The following ATP6V1G3 variants were observed in gnomAD, a reference collection of about 807,000 sequenced individuals.
The protein encoded by ATP6V1G3 is ATPase H+ transporting V1 subunit G3.
In ATP6V1G3, 9 loss-of-function variants were observed where a neutral mutation model predicts 9.3. That is an observed-to-expected ratio of 0.97 (90% CI 0.59 to 1.69). The LOEUF is 1.69. Ranked by LOEUF, ATP6V1G3 falls within the 40% of genes most tolerant of loss-of-function variation. ATP6V1G3 has a pLI of 0.00. For missense variants in ATP6V1G3, 133 were observed against 139.0 expected (o/e 0.96, Z 0.22); for synonymous variants, 43 against 43.8 (o/e 0.98, Z 0.07).
At chr1:198,537,380 TTTTC>T (rs1359810051) in intron 1 of ATP6V1G3, among the ~76,000 whole-genome samples, 1 of 152,184 alleles carries the variant, frequency 6.6e-6, no homozygotes, top group Non-Finnish European at 1.5e-5. Flanking sequence ...TGAATTGCTG[TTTTC>T]TTTCTCTTTC....
intron 1 of ATP6V1G3, 131 bp from the exon 2 acceptor site, chr1:198,529,312 G>A (rs1659798293): frequency 9.3e-6 from 2 of 214,088 alleles, no homozygotes; most frequent in South Asian, 3.6e-4. Flanking sequence ...GTATGCATAT[G>A]GAGCTGCAAA....
At chr1:198,540,822 A>G, upstream of ATP6V1G3, 1 of 649,060 alleles carries the variant, frequency 1.5e-6, no homozygotes, top group Admixed American at 2.8e-5. Context: ...GGAAAGCCCA[A>G]GGTGGAATCT....
chr1:198,530,353 T>C (rs1273005608), intron 1 of ATP6V1G3, among the ~76,000 whole-genome samples: 1 of 152,192 alleles, frequency 6.6e-6, no homozygotes, highest in Non-Finnish European at 1.5e-5. Context: ...CCTATGCATG[T>C]ATCTACCTTT....
chr1:198,540,634 T>G lies in ATP6V1G3; in HGVS notation c.17A>C (p.Gln6Pro), dbSNP rs747013252. Residue 6 changes from glutamine (Q) to proline (P), a missense_variant, in exon 1 of 3, where the codon CAG becomes CCG. Physicochemically the swap from Gln to Pro is moderately conservative, Grantham distance 76. Transcript: ENST00000367382. MTSQS[Q>P]GIHQLLQAEK... is the part of the protein sequence containing the mutation. ...TGCCTGAAGAAGCTGGTGGATCCCC[T>G]GAGACTGGCTTGTCATGGTAGTCTG... is the stretch of plus-strand genomic sequence containing the variant. The G allele has an allele frequency of 1.2e-6, 2 of 1,613,982 alleles. No homozygotes were observed. Among genetic ancestry groups the G allele is most frequent in the African/African-American group, 2.7e-5 (2 of 74,928 alleles).
intron 1 of ATP6V1G3, among the ~76,000 whole-genome samples, chr1:198,536,120 A>T (rs1344882013): frequency 6.6e-6 from 1 of 152,100 alleles, no homozygotes; most frequent in African/African-American, 2.4e-5. Flanking sequence ...TTTCTAGGAG[A>T]GTATGCCATG....
intron 1 of ATP6V1G3, among the ~76,000 whole-genome samples, chr1:198,534,679 T>C (rs1232512224): frequency 6.6e-6 from 1 of 152,134 alleles, no homozygotes; most frequent in African/African-American, 2.4e-5. Context: ...GACAAAAATA[T>C]GCATAAACAG....
At chr1:198,533,259 C>T (rs1292631444) in intron 1 of ATP6V1G3, among the ~76,000 whole-genome samples, 5 of 149,740 alleles carry the variant, frequency 3.3e-5, no homozygotes, top group South Asian at 4.2e-4. Flanking sequence ...GCCAAGATCA[C>T]GCCATTGTAT....
intron 1 of ATP6V1G3, among the ~76,000 whole-genome samples, chr1:198,538,761 G>A (rs973718283): frequency 6.6e-6 from 1 of 151,850 alleles, no homozygotes; most frequent in African/African-American, 2.4e-5. Flanking sequence ...AAATTGGCCG[G>A]GTGTGGTGGC....
At chr1:198,534,303 G>A (rs149555403) in intron 1 of ATP6V1G3, among the ~76,000 whole-genome samples, 34 of 152,264 alleles carry the variant, frequency 2.2e-4, no homozygotes, top group African/African-American at 7.7e-4. Flanking sequence ...AGACACACAG[G>A]GAGGAAGGCC....
At chr1:198,538,846 C>A (rs537807991) in intron 1 of ATP6V1G3, among the ~76,000 whole-genome samples, 5 of 139,454 alleles carry the variant, frequency 3.6e-5, no homozygotes, top group African/African-American at 1.4e-4. Flanking sequence ...GCAAGGAGCC[C>A]AGATCATCTG....
At chr1:198,539,405 T>C (rs1660258092) in intron 1 of ATP6V1G3, among the ~76,000 whole-genome samples, 1 of 152,190 alleles carries the variant, frequency 6.6e-6, no homozygotes. Context: ...TGAATCTAAT[T>C]GCAGAGGCAG....
At chr1:198,538,505 A>G (rs369803902) in intron 1 of ATP6V1G3, among the ~76,000 whole-genome samples, 175 of 152,340 alleles carry the variant, frequency 1.1e-3, no homozygotes, top group Middle Eastern at 6.8e-3. Context: ...TCTATACTCA[A>G]TATTTCATTT....
At position 198,525,711 on chromosome 1, in the gene ATP6V1G3, A is replaced by C. The variant is rs1057452270; in HGVS notation, c.184-2147T>G. Among the ~76,000 whole-genome samples, 10 of 152,266 alleles carry C rather than the reference A, an allele frequency of 6.6e-5. No individual in the cohort carries two copies. In the South Asian group the frequency reaches 1.5e-3, roughly 22 times the overall value. Reference sequence around the variant, plus strand: ...TTTTATTTCATACTAAGTCTTTGGAATCTGGTATGTAGTTTACACTTATAG... The same window carrying C: ...TTTTATTTCATACTAAGTCTTTGGACTCTGGTATGTAGTTTACACTTATAG... On this transcript the variant is annotated intron_variant, in intron 2 of 2. Coordinates refer to ENST00000367382, the MANE Select transcript of ATP6V1G3 (RefSeq NM_001376861.1).
intron 1 of ATP6V1G3, among the ~76,000 whole-genome samples, chr1:198,531,868 AT>A (rs555447460): frequency 3.1e-4 from 47 of 152,298 alleles, no homozygotes; most frequent in African/African-American, 1.1e-3. Context: ...TTAGAAAAAA[AT>A]GTATATAAAA....
At chr1:198,531,022 A>G (rs1254779984) in intron 1 of ATP6V1G3, among the ~76,000 whole-genome samples, 2 of 152,038 alleles carry the variant, frequency 1.3e-5, no homozygotes, top group African/African-American at 4.8e-5. Context: ...ATCATAGGAA[A>G]GGGTCTGTGT....
upstream of ATP6V1G3, chr1:198,540,785 T>A: frequency 1.1e-6 from 1 of 928,176 alleles, no homozygotes; most frequent in Non-Finnish European, 1.7e-6. Flanking sequence ...CAAACTGGCT[T>A]TATTGGGCTG....
intron 1 of ATP6V1G3, among the ~76,000 whole-genome samples, chr1:198,539,457 T>C (rs891487672): frequency 6.6e-6 from 1 of 152,174 alleles, no homozygotes; most frequent in Non-Finnish European, 1.5e-5. Context: ...TTATTGTAGA[T>C]TGAATAATGA....
intron 1 of ATP6V1G3, among the ~76,000 whole-genome samples, chr1:198,531,815 T>C (rs1219224362): frequency 7.9e-5 from 12 of 152,258 alleles, no homozygotes; most frequent in Non-Finnish European, 1.3e-4. Flanking sequence ...TTCTCATCTA[T>C]AAGACAGATT....
chr1:198,540,787 A>G (rs967260053), upstream of ATP6V1G3: 58 of 869,750 alleles, frequency 6.7e-5, no homozygotes, highest in Non-Finnish European at 8.0e-5. Context: ...AACTGGCTTT[A>G]TTGGGCTGGA....
Sources: allele counts gnomAD v4.1 joint callset (sites outside exome capture counted in the v4.1 genomes callset), GRCh38; gene constraint gnomAD v4.1.1; transcripts MANE v1.5; gene names NCBI Gene and HGNC (gene_info 2026-07-23, HGNC 2026-07-21).